The following TBC1D12 variants were observed in gnomAD, a reference collection of about 807,000 sequenced individuals.
The protein encoded by TBC1D12 is TBC1 domain family member 12, also known as TBC1 domain family, member 12.
Under a neutral mutation model 86.7 loss-of-function variants are expected in TBC1D12, and 56 were observed. The observed-to-expected ratio is 0.65, with a 90% confidence interval of 0.52 to 0.81. The LOEUF is 0.81. Ranked by LOEUF, TBC1D12 falls within the 30% of genes least tolerant of loss-of-function variation. The probability of loss-of-function intolerance (pLI) is 0.00; values close to 1 mark genes in which losing one functional copy is unlikely to be tolerated. For synonymous variants in TBC1D12, 421 were observed against 411.7 expected, an observed-to-expected ratio of 1.02 and a Z score of -0.27; for missense variants, 1,023 against 1,038.8, an observed-to-expected ratio of 0.98 and a Z score of 0.21.
intron 5 of TBC1D12, among the ~76,000 whole-genome samples, chr10:94,498,196 A>C (rs1449239874): frequency 6.6e-6 from 1 of 152,186 alleles, no homozygotes; most frequent in African/African-American, 2.4e-5. Flanking sequence ...TTATTTGGAA[A>C]GAGAATATTA....
At chr10:94,524,057 CTTTTTG>C (rs1302364205) in intron 11 of TBC1D12, among the ~76,000 whole-genome samples, 2 of 152,144 alleles carry the variant, frequency 1.3e-5, no homozygotes, top group Non-Finnish European at 2.9e-5. Flanking sequence ...GTTTTTTAGA[CTTTTTG>C]TTTGTCATAT....
intron 11 of TBC1D12, among the ~76,000 whole-genome samples, chr10:94,530,711 G>T (rs1189924371): frequency 6.6e-6 from 1 of 152,022 alleles, no homozygotes; most frequent in Non-Finnish European, 1.5e-5. Flanking sequence ...AGGCATTCTG[G>T]TTTCATAGCT....
intron 1 of TBC1D12, among the ~76,000 whole-genome samples, chr10:94,440,001 A>G (rs1474451237): frequency 1.3e-5 from 2 of 152,278 alleles, no homozygotes; most frequent in East Asian, 3.9e-4. Flanking sequence ...CAGCATATTC[A>G]TTATTGAAAA....
At chr10:94,448,526 G>A (rs2055503943) in intron 2 of TBC1D12, among the ~76,000 whole-genome samples, 1 of 152,150 alleles carries the variant, frequency 6.6e-6, no homozygotes, top group African/African-American at 2.4e-5. Flanking sequence ...GCCCAGGCTA[G>A]AATGCAGTGG....
At chr10:94,432,369 C>T (rs1335745288) in intron 1 of TBC1D12, among the ~76,000 whole-genome samples, 1 of 152,136 alleles carries the variant, frequency 6.6e-6, no homozygotes, top group Non-Finnish European at 1.5e-5. Flanking sequence ...CTAGGCTGAC[C>T]AGTGAAGCCT....
Position 94,403,165 on chromosome 10 carries a change from C to T in TBC1D12, c.552C>T (p.Gly184=). The T allele has an allele frequency of 2.8e-6, 4 of 1,445,648 alleles. No homozygotes were observed. The highest frequency in any genetic ancestry group is 3.6e-6 in the Non-Finnish European group (4 of 1,104,780). 89.6% of individuals were successfully genotyped at this position (1,445,648 alleles called of 1,614,324 possible). ...GGCCTGGCGACGAGGACGCGGACGG[C>T]GCGGGAAGCCCGTCCGATTGGGCCT... ...LEGPGDEDAD[G]AGSPSDWASP... is the part of the protein sequence containing the mutation. The change falls in exon 1 of 13, where the codon GGC becomes GGT. Residue 184 remains glycine (G), a synonymous_variant. Coordinates refer to ENST00000225235, the MANE Select transcript of TBC1D12 (RefSeq NM_015188.2).
At chr10:94,448,567 C>T (rs1451319435) in intron 2 of TBC1D12, among the ~76,000 whole-genome samples, 2 of 152,162 alleles carry the variant, frequency 1.3e-5, no homozygotes, top group Non-Finnish European at 2.9e-5. Flanking sequence ...ACCTTGACCT[C>T]CTGGGTTCAA....
intron 10 of TBC1D12, 97 bp downstream of exon 10, chr10:94,522,180 T>G: frequency 7.1e-7 from 1 of 1,414,656 alleles, no homozygotes; most frequent in Non-Finnish European, 9.6e-7. Flanking sequence ...TAATCTAATA[T>G]AAACTTATCA....
intron 8 of TBC1D12, among the ~76,000 whole-genome samples, 196 bp from the exon 9 acceptor site, chr10:94,511,387 C>A (rs1047997748): frequency 6.6e-6 from 1 of 151,994 alleles, no homozygotes; most frequent in Non-Finnish European, 1.5e-5. Context: ...CATGAGCCAC[C>A]GCACCCATCT....
chr10:94,423,218 C>T (rs1219759234), intron 1 of TBC1D12, among the ~76,000 whole-genome samples: 1 of 152,144 alleles, frequency 6.6e-6, no homozygotes, highest in Non-Finnish European at 1.5e-5. Flanking sequence ...TTCTGCCTTC[C>T]AAGAGATGCT....
chr10:94,456,000 T>C (rs2055621893), intron 2 of TBC1D12, among the ~76,000 whole-genome samples: 1 of 152,168 alleles, frequency 6.6e-6, no homozygotes, highest in Non-Finnish European at 1.5e-5. Context: ...TCCTTTTTAA[T>C]GTCCTTGGGC....
At chr10:94,492,279 A>G (rs1159909662) in intron 3 of TBC1D12, among the ~76,000 whole-genome samples, 1 of 152,184 alleles carries the variant, frequency 6.6e-6, no homozygotes, top group East Asian at 1.9e-4. Flanking sequence ...ATAACTCCTA[A>G]GGATAAGGGG....
chr10:94,522,909 T>C (rs571479073), intron 11 of TBC1D12, among the ~76,000 whole-genome samples: 4 of 151,836 alleles, frequency 2.6e-5, no homozygotes, highest in Admixed American at 2.0e-4. Context: ...CCAGGTATAG[T>C]GGCATGCACC....
chr10:94,457,706 T>C (rs973284651), intron 2 of TBC1D12, among the ~76,000 whole-genome samples: 1 of 152,240 alleles, frequency 6.6e-6, no homozygotes, highest in Non-Finnish European at 1.5e-5. Context: ...TTTCCAGTTT[T>C]GTCTTCCACA....
intron 11 of TBC1D12, among the ~76,000 whole-genome samples, chr10:94,524,470 A>G (rs1036868549): frequency 2.0e-5 from 3 of 152,162 alleles, no homozygotes; most frequent in African/African-American, 7.2e-5. Context: ...CCAGGGCATG[A>G]TGGCTCACGC....
At chr10:94,484,541 GTTTT>G (rs1253483973) in intron 3 of TBC1D12, among the ~76,000 whole-genome samples, 7 of 152,056 alleles carry the variant, frequency 4.6e-5, no homozygotes, top group African/African-American at 1.7e-4. Context: ...CGCCTGGCCA[GTTTT>G]GTTCTTTTTG....
chr10:94,406,768 T>C (rs373141131), intron 1 of TBC1D12, among the ~76,000 whole-genome samples: 135 of 152,336 alleles, frequency 8.9e-4, no homozygotes, highest in African/African-American at 3.2e-3. Context: ...AGTGGCTTGT[T>C]TGGGATGGAA....
chr10:94,433,639 T>G (rs2055250141), intron 1 of TBC1D12, among the ~76,000 whole-genome samples: 1 of 152,164 alleles, frequency 6.6e-6, no homozygotes, highest in South Asian at 2.1e-4. Context: ...CTTTATAGAA[T>G]TCTGCACATG....
chr10:94,521,934 T>G (rs767268330), intron 9 of TBC1D12, 21 bp from the exon 10 acceptor site: 2 of 1,553,240 alleles, frequency 1.3e-6, no homozygotes, highest in Admixed American at 1.8e-5. Context: ...CCATTTTGAC[T>G]AAATTTTTCT....
Sources: allele counts gnomAD v4.1 joint callset (sites outside exome capture counted in the v4.1 genomes callset), GRCh38; gene constraint gnomAD v4.1.1; transcripts MANE v1.5; gene names NCBI Gene and HGNC (gene_info 2026-07-23, HGNC 2026-07-21).